The following USP7 variants were observed in gnomAD, a reference collection of about 807,000 sequenced individuals.
USP7 encodes the protein ubiquitin specific peptidase 7, also known as ubiquitin C-terminal hydrolase 7.
USP7 carries 9 observed loss-of-function variants against 162.9 expected under a neutral mutation model. The ratio of observed to expected loss-of-function variants is 0.06; its 90% CI spans 0.03 to 0.10. The LOEUF is 0.10. Among genes scored for constraint, USP7 ranks in the 10% least tolerant of loss-of-function variants. The pLI is 1.00. For missense variants in USP7, 715 were observed against 1,373.7 expected (o/e 0.52, Z 7.58); for synonymous variants, 562 against 475.9 (o/e 1.18, Z -2.35).
At chr16:8,919,987 C>A (rs577030490) in intron 5 of USP7, among the ~76,000 whole-genome samples, 17 of 152,192 alleles carry the variant, frequency 1.1e-4, no homozygotes, top group Non-Finnish European at 2.2e-4. Flanking sequence ...CCCAGTCCCC[C>A]CTTCCTCACA....
At chr16:8,894,327 A>G (rs1410463351) in intron 30 of USP7, among the ~76,000 whole-genome samples, 1 of 152,164 alleles carries the variant, frequency 6.6e-6, no homozygotes, top group Non-Finnish European at 1.5e-5. Flanking sequence ...CACCCTGCAC[A>G]CATATCCAAG....
chr16:8,919,215 C>T (rs924630070), intron 5 of USP7, 76 bp from the exon 6 acceptor site: 1 of 1,478,090 alleles, frequency 6.8e-7, no homozygotes, highest in African/African-American at 1.4e-5. Context: ...AGCAATCTGA[C>T]TCAAGGTCAG....
chr16:8,900,201 G>A (rs1411762661), intron 21 of USP7: 1 of 323,454 alleles, frequency 3.1e-6, no homozygotes, highest in South Asian at 4.3e-5. Context: ...AAGACAGACT[G>A]AAATGAATTA....
chr16:8,951,502 T>A (rs977068245), intron 1 of USP7, among the ~76,000 whole-genome samples: 7 of 152,150 alleles, frequency 4.6e-5, no homozygotes, highest in Non-Finnish European at 1.0e-4. Flanking sequence ...ATTCATGTGA[T>A]GAGCTCTGCA....
intron 25 of USP7, among the ~76,000 whole-genome samples, chr16:8,897,726 A>AATATATATATATATATATATAT (rs1555461672): frequency 1.3e-3 from 9 of 7,138 alleles, no homozygotes; most frequent in Admixed American, 3.2e-3. Context: ...AAAAAAAAAA[A>AATATATATATATATATATATAT]ATATATATAT....
At chr16:8,899,940 A>G (rs1363111205) in intron 21 of USP7, 183 bp from the exon 22 acceptor site, 1 of 704,754 alleles carries the variant, frequency 1.4e-6, no homozygotes, top group Non-Finnish European at 2.4e-6. Flanking sequence ...GCAAGTATGC[A>G]TGGGGATGCA....
At chr16:8,963,133 G>T in intron 1 of USP7, 74 bp downstream of exon 1, 1 of 1,285,278 alleles carries the variant, frequency 7.8e-7, no homozygotes, top group Non-Finnish European at 1.0e-6. Flanking sequence ...AGCCCCTCGC[G>T]TGGCTCCCGC....
At chr16:8,908,214 G>T in intron 12 of USP7, 127 bp downstream of exon 12, 1 of 784,924 alleles carries the variant, frequency 1.3e-6, no homozygotes. Context: ...GGGACACAGA[G>T]GTAGAAGGAA....
intron 1 of USP7, among the ~76,000 whole-genome samples, chr16:8,945,290 A>G (rs994451310): frequency 1.3e-5 from 2 of 152,086 alleles, no homozygotes; most frequent in African/African-American, 4.8e-5. Context: ...AGGCTGAGGC[A>G]CAAGAATCGT....
In USP7 at chr16:8,937,063, G is replaced by A. The variant is rs542835797; in HGVS notation, c.80-6666C>T. On this transcript the variant is annotated intron_variant, in intron 1 of 30. Coordinates refer to ENST00000344836, the MANE Select transcript of USP7 (RefSeq NM_003470.3). ...TAATTTTAAAAAGGCAAAGTACAATGCCCTCTCAGCCTAACAAGCAGGAGG... is the reference window on the plus strand; with the variant it reads ...TAATTTTAAAAAGGCAAAGTACAATACCCTCTCAGCCTAACAAGCAGGAGG... Among the ~76,000 whole-genome samples the A allele has an allele frequency of 3.9e-5, 6 of 152,226 alleles. No individual in the cohort carries two copies. In the South Asian group the frequency reaches 1.2e-3, roughly 32 times the overall value.
intron 2 of USP7, among the ~76,000 whole-genome samples, chr16:8,927,888 T>C (rs946690084): frequency 3.9e-5 from 6 of 152,146 alleles, no homozygotes; most frequent in Non-Finnish European, 7.4e-5. Flanking sequence ...GTCATGCCTA[T>C]AATCCCAACA....
intron 5 of USP7, 81 bp from the exon 6 acceptor site, chr16:8,919,220 G>C: frequency 6.9e-7 from 1 of 1,443,514 alleles, no homozygotes; most frequent in Non-Finnish European, 9.7e-7. Context: ...TCTGACTCAA[G>C]GTCAGCCTTA....
intron 1 of USP7, among the ~76,000 whole-genome samples, chr16:8,940,461 G>A (rs745882587): frequency 2.6e-5 from 4 of 152,192 alleles, no homozygotes; most frequent in African/African-American, 9.6e-5. Flanking sequence ...GAAGCTGGGC[G>A]CCACCATCAA....
At chr16:8,931,788 T>A (rs1227782564) in intron 1 of USP7, among the ~76,000 whole-genome samples, 1 of 152,238 alleles carries the variant, frequency 6.6e-6, no homozygotes, top group Admixed American at 6.5e-5. Flanking sequence ...TTTTAGGTTT[T>A]ACCTAGGTTC....
rs34434646 is a variant in USP7 at position 8,959,356 on chromosome 16, CAA to C, written c.79+3849_79+3850del. ...TTTCTCCTTTTCCAAAACACTAATT[CAA>C]AAAAAAAAAAAAGGATACCTTCTTC... On this transcript the variant is annotated intron_variant, in intron 1 of 30. Coordinates refer to ENST00000344836, the MANE Select transcript of USP7 (RefSeq NM_003470.3). Among the ~76,000 whole-genome samples the C allele has an allele frequency of 5.5e-3, 788 of 142,486 alleles. 2 individuals carry two copies. Among genetic ancestry groups the C allele is most frequent in the Middle Eastern group, 0.011 (3 of 270 alleles). 93.5% of individuals were successfully genotyped at this position (142,486 alleles called of 152,430 possible).
At chr16:8,932,620 AG>A (rs1898427388) in intron 1 of USP7, among the ~76,000 whole-genome samples, 1 of 25,428 alleles carries the variant, frequency 3.9e-5, no homozygotes, top group Admixed American at 8.9e-4. Flanking sequence ...AATTTAAAAA[AG>A]AGAAAGAAAA....
chr16:8,935,658 A>G (rs1898666592), intron 1 of USP7: 1 of 152,230 alleles, frequency 6.6e-6, no homozygotes, highest in South Asian at 2.1e-4. Context: ...CATAATACGC[A>G]TATCCCACTC....
chr16:8,927,882 T>C (rs921760002), intron 2 of USP7, among the ~76,000 whole-genome samples: 1 of 152,062 alleles, frequency 6.6e-6, no homozygotes, highest in African/African-American at 2.4e-5. Flanking sequence ...CAATGGGTCA[T>C]GCCTATAATC....
At chr16:8,941,720 A>C (rs189371975) in intron 1 of USP7, among the ~76,000 whole-genome samples, 1 of 152,180 alleles carries the variant, frequency 6.6e-6, no homozygotes, top group African/African-American at 2.4e-5. Context: ...AGCCAGGATC[A>C]GCTGTGTTGG....
Sources: allele counts gnomAD v4.1 joint callset (sites outside exome capture counted in the v4.1 genomes callset), GRCh38; gene constraint gnomAD v4.1.1; transcripts MANE v1.5; gene names NCBI Gene and HGNC (gene_info 2026-07-23, HGNC 2026-07-21).